The following LGMN variants were observed in gnomAD, a reference collection of about 807,000 sequenced individuals.
LGMN encodes the protein legumain, also known as asparaginyl endopeptidase.
Under a neutral mutation model 56.8 loss-of-function variants are expected in LGMN, and 36 were observed. The observed-to-expected ratio is 0.63, with a 90% confidence interval of 0.49 to 0.84. The LOEUF (loss-of-function observed/expected upper bound fraction) is 0.84. Ranked by LOEUF, LGMN falls within the 40% of genes least tolerant of loss-of-function variation. The probability of loss-of-function intolerance (pLI) is 0.00; values close to 1 mark genes in which losing one functional copy is unlikely to be tolerated. For synonymous variants in LGMN, 199 were observed against 210.1 expected, an observed-to-expected ratio of 0.95 and a Z score of 0.46; for missense variants, 446 against 556.1, an observed-to-expected ratio of 0.80 and a Z score of 1.99.
chr14:92,706,572 A>G lies in LGMN; in HGVS notation c.1102T>C (p.Ser368Pro). 4 of 1,605,348 alleles carry G rather than the reference A, an allele frequency of 2.5e-6. No homozygotes were observed. Among genetic ancestry groups the G allele is most frequent in the Non-Finnish European group, 3.4e-6 (4 of 1,172,948 alleles). Residue 368 changes from serine (S) to proline (P), a missense_variant, in exon 12 of 14, where the codon TCC becomes CCC. By Grantham distance (74) the Ser-to-Pro change is moderately conservative. Coordinates refer to ENST00000334869, the MANE Select transcript of LGMN (RefSeq NM_005606.7). ...TGCCCCGTGAGCGGGGCTCTCTCGG[A>G]CAGGAGCTGCTCCACCTCAGCCTCG... is the stretch of plus-strand genomic sequence containing the variant. ...ASEAEVEQLL[S>P]ERAPLTGHSC...
intron 1 of LGMN, among the ~76,000 whole-genome samples, chr14:92,735,695 C>T (rs763179303): frequency 4.6e-5 from 7 of 152,262 alleles, no homozygotes; most frequent in East Asian, 1.9e-4. Flanking sequence ...ATTCTTAATC[C>T]GAAAGCCTGA....
In LGMN at chr14:92,714,493, T is replaced by C; in HGVS notation, c.405-42A>G. On this transcript the variant is annotated intron_variant, in intron 5 of 13. Transcript: ENST00000334869. This position sits in a 1 kb window ranked among gnomAD's most constrained non-coding sequence, Gnocchi z 5.1. Reference sequence around the variant, plus strand: ...GGGGGTCAATCATTTCCTTTTTCTGTTTTTACTTCTATTTCTCTGAAAAGC... The same window carrying C: ...GGGGGTCAATCATTTCCTTTTTCTGCTTTTACTTCTATTTCTCTGAAAAGC... 1 of 1,376,236 alleles carries C rather than the reference T, an allele frequency of 7.3e-7. No individual in the cohort carries two copies. The highest frequency in any genetic ancestry group is 1.0e-6 in the Non-Finnish European group (1 of 975,408). The allele number at this position is 1,376,236 out of a possible 1,614,324, so 85.3% of individuals were successfully genotyped here.
chr14:92,710,368 T>C (rs1240760997), intron 10 of LGMN, among the ~76,000 whole-genome samples: 1 of 152,078 alleles, frequency 6.6e-6, no homozygotes, highest in Non-Finnish European at 1.5e-5. Flanking sequence ...GGACCAGTAG[T>C]GGGAAGGTAC....
intron 1 of LGMN, among the ~76,000 whole-genome samples, chr14:92,747,935 T>C (rs1405170467): frequency 6.6e-6 from 1 of 152,170 alleles, no homozygotes; most frequent in Non-Finnish European, 1.5e-5. Flanking sequence ...TAACTTTCAC[T>C]TCCAAGATTG....
intron 2 of LGMN, among the ~76,000 whole-genome samples, chr14:92,719,290 G>T (rs1194877674): frequency 0.089 from 2,866 of 32,090 alleles, 94 homozygotes; most frequent in Middle Eastern, 0.15. Context: ...CGCCGCCGCC[G>T]CCGCCGCCGC....
At chr14:92,709,440 C>T (rs1889617724) in intron 11 of LGMN, among the ~76,000 whole-genome samples, 1 of 152,130 alleles carries the variant, frequency 6.6e-6, no homozygotes, top group Non-Finnish European at 1.5e-5. Context: ...GGAGATAGGC[C>T]CCCATTCCAC....
chr14:92,739,200 T>C (rs1011907812), intron 1 of LGMN, among the ~76,000 whole-genome samples: 1 of 152,196 alleles, frequency 6.6e-6, no homozygotes, highest in East Asian at 1.9e-4. Context: ...ATTTATTGTA[T>C]GATTTTTGAC....
intron 11 of LGMN, 53 bp downstream of exon 11, chr14:92,709,619 C>T (rs1413196307): frequency 5.4e-6 from 8 of 1,479,900 alleles, no homozygotes; most frequent in Non-Finnish European, 6.6e-6. Context: ...ATGCATGCTG[C>T]CCACCTGGGC....
intron 2 of LGMN, among the ~76,000 whole-genome samples, chr14:92,719,287 G>GCCACCA (rs71123371): frequency 3.3e-5 from 2 of 59,820 alleles, no homozygotes; most frequent in Non-Finnish European, 2.9e-5. Flanking sequence ...CACCGCCGCC[G>GCCACCA]CCGCCGCCGC....
chr14:92,723,116 G>A (rs538645087), intron 2 of LGMN, among the ~76,000 whole-genome samples: 6 of 150,938 alleles, frequency 4.0e-5, no homozygotes, highest in Non-Finnish European at 5.9e-5. Context: ...GTGCGATCTC[G>A]GCTCACTGCA....
chr14:92,712,867 A>G lies in LGMN; in HGVS notation c.548T>C (p.Val183Ala), dbSNP rs747624566. Residue 183 changes from valine (V) to alanine (A), a missense_variant, in exon 8 of 14, where the codon GTG becomes GCG. By Grantham distance (64) the Val-to-Ala change is moderately conservative. Coordinates refer to ENST00000334869, the MANE Select transcript of LGMN (RefSeq NM_005606.7). Reference sequence around the variant, plus strand: ...AGACTCACAGGCTTCAATGTAGAACACCATCTGTGAGGCAGACGGGGCAGG... The same window carrying G: ...AGACTCACAGGCTTCAATGTAGAACGCCATCTGTGAGGCAGACGGGGCAGG... ...MYKHKMYRKM[V>A]FYIEACESGS... is the part of the protein sequence containing the mutation. The G allele has an allele frequency of 6.8e-6, 11 of 1,613,604 alleles. No homozygotes were observed. The highest frequency in any genetic ancestry group is 9.3e-6 in the Non-Finnish European group (11 of 1,179,866).
intron 2 of LGMN, among the ~76,000 whole-genome samples, chr14:92,722,364 T>C (rs1795520278): frequency 6.6e-6 from 1 of 152,018 alleles, no homozygotes; most frequent in Admixed American, 6.6e-5. Context: ...TGGGATCACT[T>C]GAGGTCAGGA....
chr14:92,742,292 C>CTTTTTTTT lies in LGMN; in HGVS notation c.-30+6189_-30+6196dup, dbSNP rs756259014. ...AAATGTCTTGCTGTTTTTTGTTTTG[C>CTTTTTTTT]TTTTTTTTTTTTTCTTTTTTTTTGA... is the stretch of plus-strand genomic sequence containing the variant. On this transcript the variant is annotated intron_variant, in intron 1 of 13. Coordinates refer to ENST00000334869, the MANE Select transcript of LGMN (RefSeq NM_005606.7). Among the ~76,000 whole-genome samples the CTTTTTTTT allele has an allele frequency of 1.1e-4, 9 of 84,014 alleles. 3 individuals are homozygous for CTTTTTTTT. The highest frequency in any genetic ancestry group is 1.3e-4 in the African/African-American group (2 of 15,846). The allele number at this position is 84,014 out of a possible 152,430, so 55.1% of individuals were successfully genotyped here.
chr14:92,716,558 G>A (rs538273911), intron 4 of LGMN, among the ~76,000 whole-genome samples: 87 of 152,230 alleles, frequency 5.7e-4, no homozygotes, highest in African/African-American at 2.0e-3. Flanking sequence ...ACTTGAACCC[G>A]GGAAGCGGAG....
intron 2 of LGMN, among the ~76,000 whole-genome samples, chr14:92,731,523 A>G (rs758336338): frequency 6.6e-6 from 1 of 152,110 alleles, no homozygotes; most frequent in African/African-American, 2.4e-5. Context: ...AGATTTTCCA[A>G]ATTTGGGCTT....
At chr14:92,724,749 G>C (rs146263154) in intron 2 of LGMN, among the ~76,000 whole-genome samples, 1 of 152,192 alleles carries the variant, frequency 6.6e-6, no homozygotes, top group Non-Finnish European at 1.5e-5. Flanking sequence ...GTGATTTGCC[G>C]ATAGGGCAAC....
At chr14:92,725,032 T>C (rs906144854) in intron 2 of LGMN, among the ~76,000 whole-genome samples, 2 of 152,170 alleles carry the variant, frequency 1.3e-5, no homozygotes, top group Non-Finnish European at 2.9e-5. Context: ...AATCTGACAA[T>C]GTAGTTTGTT....
chr14:92,738,558 G>A (rs551747043), intron 1 of LGMN, among the ~76,000 whole-genome samples: 322 of 151,726 alleles, frequency 2.1e-3, no homozygotes, highest in African/African-American at 4.9e-3. Flanking sequence ...GATTACAGGC[G>A]TGAGCCACCG....
chr14:92,728,525 C>G (rs1193506766), intron 2 of LGMN, among the ~76,000 whole-genome samples: 3 of 152,168 alleles, frequency 2.0e-5, no homozygotes, highest in Admixed American at 6.5e-5. Context: ...CTATACTTTA[C>G]AGGACCACTT....
Sources: allele counts gnomAD v4.1 joint callset (sites outside exome capture counted in the v4.1 genomes callset), GRCh38; gene constraint gnomAD v4.1.1; non-coding constraint Gnocchi (gnomAD v3.1); transcripts MANE v1.5; gene names NCBI Gene and HGNC (gene_info 2026-07-23, HGNC 2026-07-21).